Variants in NDUFAF6 observed in about 807,000 individuals in gnomAD.
NDUFAF6 encodes NADH dehydrogenase (ubiquinone) complex I, assembly factor 6.
A neutral mutation model predicts 40.8 loss-of-function variants in NDUFAF6; 45 were observed. The observed-to-expected ratio is 1.10, with a 90% CI of 0.87 to 1.42. NDUFAF6 has a LOEUF of 1.42. Among genes scored for constraint, NDUFAF6 ranks in the 40% most tolerant of loss-of-function variants. NDUFAF6 has a pLI of 0.00. For missense variants in NDUFAF6, 435 were observed against 418.5 expected (o/e 1.04, Z -0.34); for synonymous variants, 185 against 155.9 (o/e 1.19, Z -1.39).
intron 2 of NDUFAF6, among the ~76,000 whole-genome samples, chr8:94,947,690 A>G (rs1822142363): frequency 6.6e-6 from 1 of 152,236 alleles, no homozygotes; most frequent in Non-Finnish European, 1.5e-5. Context: ...TCTGCCCCTA[A>G]GGCTGAAAGA....
At chr8:95,072,593 C>G (rs1012241396) in intron 9 of NDUFAF6, 1 of 152,296 alleles carries the variant, frequency 6.6e-6, no homozygotes, top group Admixed American at 6.5e-5. Context: ...GCAACACCCT[C>G]GTGGTATGTT....
chr8:94,905,233 A>T (rs1047170204), intron 1 of NDUFAF6, among the ~76,000 whole-genome samples: 18 of 149,702 alleles, frequency 1.2e-4, no homozygotes, highest in African/African-American at 4.2e-4. Flanking sequence ...TTGTGGCAGG[A>T]TTTTTTGGAT....
At chr8:95,010,093 G>T (rs889524994) in intron 2 of NDUFAF6, among the ~76,000 whole-genome samples, 1 of 151,908 alleles carries the variant, frequency 6.6e-6, no homozygotes, top group African/African-American at 2.4e-5. Context: ...AAGCTTAGTT[G>T]TACTTTTTTT....
intron 2 of NDUFAF6, among the ~76,000 whole-genome samples, chr8:95,089,048 C>T (rs1383437715): frequency 6.6e-6 from 1 of 151,750 alleles, no homozygotes; most frequent in Non-Finnish European, 1.5e-5. Context: ...AGGCATGAGC[C>T]ACCGCGCCCA....
intron 2 of NDUFAF6, among the ~76,000 whole-genome samples, chr8:95,002,309 C>G (rs1435661818): frequency 6.6e-6 from 1 of 152,188 alleles, no homozygotes; most frequent in Admixed American, 6.5e-5. Context: ...CAGGCCAAGG[C>G]AAGTCACAAC....
chr8:94,946,716 A>AAAAAAAAAT (rs1822047139), intron 2 of NDUFAF6, among the ~76,000 whole-genome samples: 1 of 149,264 alleles, frequency 6.7e-6, no homozygotes, highest in Non-Finnish European at 1.5e-5. Context: ...AAAAAAAAAA[A>AAAAAAAAAT]AAAAGACAGG....
At chr8:94,991,885 A>G (rs1436772381) in intron 2 of NDUFAF6, among the ~76,000 whole-genome samples, 1 of 148,786 alleles carries the variant, frequency 6.7e-6, no homozygotes, top group African/African-American at 2.5e-5. Flanking sequence ...ATCGGAAGAC[A>G]TTTGGATTAT....
intron 1 of NDUFAF6, among the ~76,000 whole-genome samples, chr8:94,934,289 T>A (rs1820750051): frequency 6.6e-6 from 1 of 152,164 alleles, no homozygotes. Context: ...GTTTCTGTAG[T>A]AAATTCTTTT....
intron 9 of NDUFAF6, among the ~76,000 whole-genome samples, chr8:95,066,410 C>T (rs1832705990): frequency 6.6e-6 from 1 of 150,940 alleles, no homozygotes; most frequent in Non-Finnish European, 1.5e-5. Flanking sequence ...CCACTGTGCC[C>T]AGCATGAAGG....
At chr8:94,984,014 A>G (rs1563769378) in intron 2 of NDUFAF6, 1 of 152,108 alleles carries the variant, frequency 6.6e-6, no homozygotes, top group Non-Finnish European at 1.5e-5. Flanking sequence ...AGTTTTTCCT[A>G]TGGCCTCACC....
At chr8:95,023,666 T>G (rs185343306), upstream of NDUFAF6, among the ~76,000 whole-genome samples, 6 of 152,252 alleles carry the variant, frequency 3.9e-5, no homozygotes, top group Non-Finnish European at 5.9e-5. Context: ...TAGACCCACC[T>G]CTAATATTTG....
At chr8:94,966,449 C>T (rs1824020352) in intron 1 of NDUFAF6, among the ~76,000 whole-genome samples, 1 of 152,048 alleles carries the variant, frequency 6.6e-6, no homozygotes, top group Non-Finnish European at 1.5e-5. Context: ...AAAAAATTAG[C>T]CAGGTGTGGT....
chr8:95,006,916 A>G (rs936487617), intron 2 of NDUFAF6, among the ~76,000 whole-genome samples: 3 of 151,962 alleles, frequency 2.0e-5, no homozygotes, highest in Non-Finnish European at 4.4e-5. Flanking sequence ...GCAATATTGT[A>G]TATTTTAAGT....
intron 1 of NDUFAF6, among the ~76,000 whole-genome samples, chr8:94,914,990 G>A (rs1219527477): frequency 6.6e-6 from 1 of 152,152 alleles, no homozygotes; most frequent in Non-Finnish European, 1.5e-5. Flanking sequence ...GTGATGCTGA[G>A]GTTTGGGCTT....
In NDUFAF6 at chr8:94,896,946, A is replaced by G. The variant is rs543410156; in HGVS notation, c.-936+1019A>G. 2.0e-5 allele frequency among the ~76,000 whole-genome samples: 3 copies of G among 152,282 alleles called. No individual in the cohort carries two copies. In the South Asian group the frequency reaches 6.2e-4, roughly 32 times the overall value. Reference sequence around the variant, plus strand: ...AGAAGCCCATGCCTTGTCAGTCCCAAGAAACTTTCTGCCATTTCTAACGCT... The same window carrying G: ...AGAAGCCCATGCCTTGTCAGTCCCAGGAAACTTTCTGCCATTTCTAACGCT... On this transcript the variant is annotated intron_variant, in intron 1 of 14. Transcript: ENST00000396113.
At chr8:95,029,880 G>A (rs1035342243) in intron 1 of NDUFAF6, among the ~76,000 whole-genome samples, 2 of 152,146 alleles carry the variant, frequency 1.3e-5, no homozygotes, top group South Asian at 2.1e-4. Flanking sequence ...TGGTTGAAAA[G>A]GTGACTTCCA....
intron 2 of NDUFAF6, chr8:95,033,866 G>A (rs2678823): frequency 0.78 from 294,006 of 377,620 alleles, 115,975 homozygotes; most frequent in East Asian, 0.94. Flanking sequence ...AGGGGCGCAT[G>A]GGAGGAGATT....
chr8:95,035,982 G>A (rs965833589), intron 3 of NDUFAF6, among the ~76,000 whole-genome samples: 4 of 152,118 alleles, frequency 2.6e-5, no homozygotes, highest in Admixed American at 6.5e-5. Context: ...CCAGGTTCTG[G>A]GCTGTAGAAC....
At chr8:95,101,418 G>A (rs534573811) in intron 2 of NDUFAF6, among the ~76,000 whole-genome samples, 4 of 152,224 alleles carry the variant, frequency 2.6e-5, no homozygotes, top group African/African-American at 7.2e-5. Flanking sequence ...TGAGAGTGGC[G>A]GGCACTCCTT....
Sources: allele counts gnomAD v4.1 joint callset (sites outside exome capture counted in the v4.1 genomes callset), GRCh38; gene constraint gnomAD v4.1.1; transcripts MANE v1.5; gene names NCBI Gene and HGNC (gene_info 2026-07-23, HGNC 2026-07-21).